CDK11A: variants seen among roughly 807,000 people sequenced by gnomAD.
CDK11A encodes the protein cyclin-dependent kinase 11A.
In CDK11A, 55 loss-of-function variants were observed where a neutral mutation model predicts 83.6. The ratio of observed to expected loss-of-function variants is 0.66; its 90% CI spans 0.53 to 0.82. The LOEUF is 0.82. CDK11A is among the 40% of genes least tolerant of loss of function. The probability of loss-of-function intolerance (pLI) is 0.00; values close to 1 mark genes in which losing one functional copy is unlikely to be tolerated. For synonymous variants in CDK11A, 247 were observed against 302.7 expected, an observed-to-expected ratio of 0.82 and a Z score of 1.91; for missense variants, 564 against 810.1, an observed-to-expected ratio of 0.70 and a Z score of 3.69.
At chr1:1,705,931 A>G (rs1047802356) in intron 11 of CDK11A, among the ~76,000 whole-genome samples, 199 bp from the exon 12 acceptor site, 2 of 144,788 alleles carry the variant, frequency 1.4e-5, no homozygotes, top group African/African-American at 5.2e-5. Flanking sequence ...TTATTATGAA[A>G]CAAAACCAGT....
In CDK11A at chr1:1,722,776, C is replaced by T. The variant is rs1416585950; in HGVS notation, c.43G>A (p.Glu15Lys). The part of the protein sequence containing the change: ...KDSWKVKTLD[E>K]ILQEKKRRKE... The stretch of plus-strand genomic sequence containing the variant: ...CTTCGTTTCTTTTCCTGAAGAATTT[C>T]ATCTAAAGTTTTCACTTTCCAAGAG... The change falls in exon 2 of 20, where the codon GAA becomes AAA. Residue 15 changes from glutamate to lysine, a missense_variant. Coordinates refer to ENST00000404249, the MANE Select transcript of CDK11A (RefSeq NM_024011.4). The T allele has an allele frequency of 3.4e-6, 5 of 1,450,902 alleles. 1 individual carries two copies. Among genetic ancestry groups the T allele is most frequent in the African/African-American group, 3.3e-5 (2 of 60,266 alleles). The allele number at this position is 1,450,902 out of a possible 1,614,324, so 89.9% of individuals were successfully genotyped here.
In CDK11A at chr1:1,716,370, G is replaced by T. The variant is rs1644645151; in HGVS notation, c.464C>A (p.Ala155Glu). 6.2e-7 allele frequency: 1 copy of T among 1,608,856 alleles called. No individual in the cohort carries two copies. The highest frequency in any genetic ancestry group is 8.5e-7 in the Non-Finnish European group (1 of 1,176,620). The change falls in exon 5 of 20, where the codon GCA (alanine) becomes GAA (glutamate). Residue 155 changes from alanine (A) to glutamate (E), a missense_variant. Transcript: ENST00000404249. ...EWERQKRREM[A>E]REHSRRERDR... Reference sequence around the variant, plus strand: ...CCTTTCTCTCCTGGAATGCTCCCTTGCCATTTCCCTTCTCTTCTGTCTTTC... The same window carrying T: ...CCTTTCTCTCCTGGAATGCTCCCTTTCCATTTCCCTTCTCTTCTGTCTTTC...
At chr1:1,719,564 G>A (rs76941027) in intron 3 of CDK11A, 109 bp from the exon 4 acceptor site, 7 of 821,066 alleles carry the variant, frequency 8.5e-6, no homozygotes, top group South Asian at 3.6e-5. Context: ...AGATAGGAAC[G>A]AAGCTGAAAC....
At position 1,705,720 on chromosome 1, in the gene CDK11A, C is replaced by T. The variant is rs1375514100; in HGVS notation, c.1258G>A (p.Val420Ile). The change falls in exon 12 of 20, where the codon GTC (valine) becomes ATC (isoleucine). Residue 420 changes from valine to isoleucine, a missense_variant. Val to Ile is a conservative substitution (Grantham distance 29, BLOSUM62 3). This residue lies in a region of CDK11A where 361 missense variants were observed against 402.7 expected (regional missense o/e 0.90). Coordinates refer to ENST00000404249, the MANE Select transcript of CDK11A (RefSeq NM_024011.4). ...YLPALQGCRS[V>I]EEFQCLNRIE... ...CTGTTCAGGCACTGGAACTCCTCGA[C>T]GCTCCGGCAGCCCTGGGAAGGAAGC... 8 of 588,130 alleles carry T rather than the reference C, an allele frequency of 1.4e-5. 1 individual carries two copies. The highest frequency in any genetic ancestry group is 6.0e-5 in the East Asian group (2 of 33,530). 36.4% of individuals were successfully genotyped at this position (588,130 alleles called of 1,614,324 possible).
At chr1:1,717,754 A>G (rs1021899100) in intron 4 of CDK11A, among the ~76,000 whole-genome samples, 1 of 149,950 alleles carries the variant, frequency 6.7e-6, no homozygotes, top group Non-Finnish European at 1.5e-5. Flanking sequence ...ACGGTCTGTG[A>G]CACACGCATG....
At position 1,722,841 on chromosome 1, in the gene CDK11A, G is replaced by A. The variant is rs1216600055; in HGVS notation, c.-13-10C>T. On this transcript the variant is annotated splice_polypyrimidine_tract_variant and intron_variant, in intron 1 of 19. Coordinates refer to ENST00000404249, the MANE Select transcript of CDK11A (RefSeq NM_024011.4). ...CATTTGAGTTAAAACACTGCAAAAA[G>A]AAAAATAATTCAGCCTACATCAGGA... 1.7e-6 allele frequency: 2 copies of A among 1,179,784 alleles called. No individual in the cohort carries two copies. The highest frequency in any genetic ancestry group is 2.9e-5 in the South Asian group (2 of 70,084). 73.1% of individuals were successfully genotyped at this position (1,179,784 alleles called of 1,614,324 possible).
In CDK11A at chr1:1,713,879, C is replaced by T. The variant is rs1280530335; in HGVS notation, c.489-1479G>A. ...TTCGCCAACAATGAATCCCACCAGT[C>T]TCTGCTTCTCAGGGAATGTCGTTCG... is the stretch of plus-strand genomic sequence containing the variant. On this transcript the variant is annotated intron_variant, in intron 5 of 19. Coordinates refer to ENST00000404249, the MANE Select transcript of CDK11A (RefSeq NM_024011.4). Among the ~76,000 whole-genome samples the T allele has an allele frequency of 2.1e-4, 9 of 43,014 alleles. 3 individuals carry two copies. The highest frequency in any genetic ancestry group is 3.5e-4 in the African/African-American group (9 of 25,706). The allele number at this position is 43,014 out of a possible 152,430, so 28.2% of individuals were successfully genotyped here.
Position 1,713,721 on chromosome 1 carries a change from T to A in CDK11A, c.489-1321A>T, listed in dbSNP as rs1260403491. On this transcript the variant is annotated intron_variant, in intron 5 of 19. Coordinates refer to ENST00000404249, the MANE Select transcript of CDK11A (RefSeq NM_024011.4). ...AACCTAAGATGTGAGGAGAGATATT[T>A]ACAGGATATTGACGTCAACCTACAC... is the stretch of plus-strand genomic sequence containing the variant. Among the ~76,000 whole-genome samples the A allele has an allele frequency of 7.2e-5, 4 of 55,616 alleles. 1 individual carries two copies. The highest frequency in any genetic ancestry group is 6.8e-5 in the Non-Finnish European group (1 of 14,696). The allele number at this position is 55,616 out of a possible 152,430, so 36.5% of individuals were successfully genotyped here.
chr1:1,722,682 C>T, intron 2 of CDK11A, 26 bp downstream of exon 2: 1 of 1,550,552 alleles, frequency 6.4e-7, no homozygotes, highest in Non-Finnish European at 8.7e-7. Context: ...TTAAGAAAAC[C>T]ACTTACTTAA....
chr1:1,722,878 ATGGTG>A lies in CDK11A; in HGVS notation c.-13-52_-13-48del, dbSNP rs1202137854. 1.0e-5 allele frequency: 8 copies of A among 788,646 alleles called. No homozygotes were observed. In the Admixed American group the frequency reaches 1.3e-4, roughly 13 times the overall value. 48.9% of individuals were successfully genotyped at this position (788,646 alleles called of 1,614,324 possible). On this transcript the variant is annotated intron_variant, in intron 1 of 19. Transcript: ENST00000404249. The stretch of plus-strand genomic sequence containing the variant: ...AGCCTACATCAGGACACAGCAAGCT[ATGGTG>A]CTGAACACTTGAACCTAGTCACTTT...
At position 1,721,596 on chromosome 1, in the gene CDK11A, C is replaced by G. The variant is rs770617385; in HGVS notation, c.227G>C (p.Arg76Thr). ...PYRREDSMED[R>T]GEEDDSLAIK... ...CTTGCACATCTGTACATCCGCTCAC[C>G]TGTCTTCCATTGAGTCTTCTCTTCT... Residue 76 changes from arginine to threonine, a missense_variant and splice_region_variant, in exon 3 of 20, where the codon AGA (arginine) becomes ACA (threonine). Arg to Thr is a moderately conservative substitution (Grantham distance 71). Coordinates refer to ENST00000404249, the MANE Select transcript of CDK11A (RefSeq NM_024011.4). 1.2e-6 allele frequency: 2 copies of G among 1,606,476 alleles called. No individual in the cohort carries two copies. Among genetic ancestry groups the G allele is most frequent in the African/African-American group, 2.7e-5 (2 of 74,518 alleles).
chr1:1,704,540 G>C lies in CDK11A; in HGVS notation c.1564+10C>G, dbSNP rs1534951. On this transcript the variant is annotated intron_variant, in intron 14 of 19. Coordinates refer to ENST00000404249, the MANE Select transcript of CDK11A (RefSeq NM_024011.4). ...TTGTACGCAGACAGGACCCCGGGGC[G>C]CGGCTGTACCTGGCAGGAAGGGCTG... 0.09 allele frequency: 143,912 copies of C among 1,598,020 alleles called. 16,290 individuals carry two copies. Among genetic ancestry groups the C allele is most frequent in the African/African-American group, 0.45 (33,117 of 73,802 alleles).
rs911379422 is a variant in CDK11A at position 1,710,805 on chromosome 1, G to A, written c.626-1165C>T. Among the ~76,000 whole-genome samples the A allele has an allele frequency of 3.2e-4, 41 of 129,754 alleles. 2 individuals are homozygous for A. The highest frequency in any genetic ancestry group is 5.1e-4 in the Non-Finnish European group (30 of 58,844). The allele number at this position is 129,754 out of a possible 152,430, so 85.1% of individuals were successfully genotyped here. ...AGACAGAAGATCCAACAAGAAACCA[G>A]AGAGAAATTCCAGAGCTAATAAGTA... On this transcript the variant is annotated intron_variant, in intron 6 of 19. Coordinates refer to ENST00000404249, the MANE Select transcript of CDK11A (RefSeq NM_024011.4).
rs70937182 is a variant in CDK11A at position 1,718,638 on chromosome 1, C to CTTT, written c.355+687_355+689dup. 3.0e-3 allele frequency among the ~76,000 whole-genome samples: 401 copies of CTTT among 134,726 alleles called. 16 individuals carry two copies. The highest frequency in any genetic ancestry group is 5.0e-3 in the Non-Finnish European group (317 of 63,196). 88.4% of individuals were successfully genotyped at this position (134,726 alleles called of 152,430 possible). On this transcript the variant is annotated intron_variant, in intron 4 of 19. Coordinates refer to ENST00000404249, the MANE Select transcript of CDK11A (RefSeq NM_024011.4). ...CACGTATGCTTTCAGCTAGAGTATT[C>CTTT]TTTTTTTTTTTTTTGAGACGGAGTC... is the stretch of plus-strand genomic sequence containing the variant.
At position 1,716,407 on chromosome 1, in the gene CDK11A, G is replaced by A. The variant is rs753458825; in HGVS notation, c.427C>T (p.Arg143Cys). Residue 143 changes from arginine to cysteine, a missense_variant, in exon 5 of 20, where the codon CGC (arginine) becomes TGC (cysteine). Physicochemically the swap from Arg to Cys is radical, Grantham distance 180. Coordinates refer to ENST00000404249, the MANE Select transcript of CDK11A (RefSeq NM_024011.4). Reference sequence around the variant, plus strand: ...CTCTTCTGTCTTTCCCATTCCCGGCGAGCTTTATCCTGTTCTTCTCGATGT... The same window carrying A: ...CTCTTCTGTCTTTCCCATTCCCGGCAAGCTTTATCCTGTTCTTCTCGATGT... The part of the protein sequence containing the change: ...KRHREEQDKA[R>C]REWERQKRRE... 1 of 1,608,478 alleles carries A rather than the reference G, an allele frequency of 6.2e-7. No homozygotes were observed.
intron 12 of CDK11A, 86 bp downstream of exon 12, chr1:1,705,556 G>T: frequency 2.1e-6 from 1 of 480,150 alleles, no homozygotes; most frequent in African/African-American, 9.1e-5. Flanking sequence ...CTCAGGTGAA[G>T]CGGGCCCAGG....
rs779642694 is a variant in CDK11A, at chr1:1,716,358, G to C, written c.476C>G (p.Ser159Cys). The change falls in exon 5 of 20, where the codon TCC becomes TGC. Residue 159 changes from serine (S) to cysteine (C), a missense_variant. Around this residue, in one of 5 missense-constraint regions of CDK11A, gnomAD observed 151 missense variants for 147.4 expected, o/e 1.02. Transcript: ENST00000404249. ...QKRREMAREH[S>C]RRERDRLEQL... ...CCAGCCCACTCACCTTTCTCTCCTG[G>C]AATGCTCCCTTGCCATTTCCCTTCT... 1.2e-6 allele frequency: 2 copies of C among 1,608,850 alleles called. No homozygotes were observed. The highest frequency in any genetic ancestry group is 1.7e-6 in the Non-Finnish European group (2 of 1,176,622).
intron 1 of CDK11A, 134 bp from the exon 2 acceptor site, chr1:1,722,965 C>T: frequency 2.7e-6 from 1 of 374,824 alleles, no homozygotes; most frequent in Non-Finnish European, 4.6e-6. Flanking sequence ...GGCGCAGTGG[C>T]TCAAGACGGT....
rs769575432 is a variant in CDK11A at position 1,704,273 on chromosome 1, G to A, written c.1636C>T (p.Arg546Cys). Residue 546 changes from arginine to cysteine, a missense_variant, in exon 15 of 20, where the codon CGT (arginine) becomes TGT (cysteine). Physicochemically the swap from Arg to Cys is radical, Grantham distance 180. Transcript: ENST00000404249. ...AGCAGGTTGGACGTCTTGAGGTCAC[G>A]GTGCAGGATCCAGTTGTCGTGCAGG... Reference protein sequence around the residue: ...KHLHDNWILHRDLKTSNLLLS... With the variant: ...KHLHDNWILHCDLKTSNLLLS... 1.9e-5 allele frequency: 30 copies of A among 1,608,146 alleles called. 1 individual carries two copies. Among genetic ancestry groups the A allele is most frequent in the South Asian group, 4.4e-5 (4 of 90,718 alleles).
Sources: gnomAD v4.1 joint callset for allele counts (sites outside exome capture counted in the v4.1 genomes callset) on GRCh38, gnomAD v4.1.1 for gene constraint, gnomAD v4.1.1 regional missense constraint, MANE v1.5 for transcripts, NCBI Gene and HGNC (gene_info 2026-07-23, HGNC 2026-07-21) for gene names.